TMEM131: variants seen among roughly 807,000 people sequenced by gnomAD.
The protein encoded by TMEM131 is 2610524E03Rik.
TMEM131 carries 66 observed loss-of-function variants against 211.6 expected under a neutral mutation model. The observed-to-expected ratio is 0.31, with a 90% confidence interval of 0.26 to 0.38. TMEM131 has a LOEUF of 0.38. Among genes scored for constraint, TMEM131 ranks in the 10% least tolerant of loss-of-function variants. TMEM131 has a pLI of 1.00. For missense variants in TMEM131, 2,036 were observed against 2,299.3 expected, an observed-to-expected ratio of 0.89 and a Z score of 2.34; for synonymous variants, 844 against 841.3, an observed-to-expected ratio of 1.00 and a Z score of -0.06.
intron 3 of TMEM131, among the ~76,000 whole-genome samples, chr2:97,892,726 T>C (rs1359146718): frequency 6.6e-6 from 1 of 152,160 alleles, no homozygotes; most frequent in Non-Finnish European, 1.5e-5. Flanking sequence ...TGCAAATATT[T>C]CTATGAAAAG....
intron 22 of TMEM131, among the ~76,000 whole-genome samples, chr2:97,804,204 A>G (rs1443349557): frequency 6.6e-6 from 1 of 152,202 alleles, no homozygotes. Context: ...TCTGAAGTAC[A>G]TGAAAAGATC....
At chr2:97,796,766 TA>T in intron 27 of TMEM131, 77 bp downstream of exon 27, 1 of 1,440,876 alleles carries the variant, frequency 6.9e-7, no homozygotes, top group East Asian at 2.3e-5. Flanking sequence ...CATACAGAAA[TA>T]ATGTTGTTTT....
At position 97,792,559 on chromosome 2, in the gene TMEM131, G is replaced by A. The variant is rs771438042; in HGVS notation, c.3971C>T (p.Ala1324Val). The change falls in exon 31 of 41, where the codon GCC becomes GTC. Residue 1324 changes from alanine to valine, a missense_variant. Ala to Val is a moderately conservative substitution (Grantham distance 64). Transcript: ENST00000186436. ...TGGGTGGGAAGGGTGTGCGAGGGGG[G>A]CGGGAGACAGCCTTTCAGGCTGCGG... ...QEPQPERLSP[A>V]PLAHPSHPER... 6.2e-6 allele frequency: 10 copies of A among 1,613,214 alleles called. 1 individual carries two copies. The East Asian group carries it at 2.0e-4, about 32-fold the overall frequency.
At position 97,797,000 on chromosome 2, in the gene TMEM131, A is replaced by G; in HGVS notation, c.2871-14T>C. On this transcript the variant is annotated splice_polypyrimidine_tract_variant and intron_variant, in intron 26 of 40. Coordinates refer to ENST00000186436, the MANE Select transcript of TMEM131 (RefSeq NM_015348.2). ...GTCAGGTTATTTCTATGCAAGAATGAGAATTACAGATTTTTCTCTCATTAA... is the reference window on the plus strand; with the variant it reads ...GTCAGGTTATTTCTATGCAAGAATGGGAATTACAGATTTTTCTCTCATTAA... 5 of 1,601,432 alleles carry G rather than the reference A, an allele frequency of 3.1e-6. No homozygotes were observed. The highest frequency in any genetic ancestry group is 3.4e-6 in the Non-Finnish European group (4 of 1,174,228).
chr2:97,990,597 CAA>C (rs1474855941), intron 1 of TMEM131, among the ~76,000 whole-genome samples: 2 of 152,054 alleles, frequency 1.3e-5, no homozygotes, highest in Admixed American at 6.5e-5. Flanking sequence ...ATCTTAAAAT[CAA>C]AAAGTTATAA....
chr2:97,861,020 A>G (rs959691242), intron 4 of TMEM131, among the ~76,000 whole-genome samples: 1 of 152,160 alleles, frequency 6.6e-6, no homozygotes, highest in African/African-American at 2.4e-5. Flanking sequence ...AGACTTTGCC[A>G]TGAACTCAGT....
chr2:97,947,666 GT>G (rs1405876886), intron 1 of TMEM131, among the ~76,000 whole-genome samples: 1 of 151,998 alleles, frequency 6.6e-6, no homozygotes, highest in Non-Finnish European at 1.5e-5. Flanking sequence ...TTCCAATCAA[GT>G]TTTTTGTTGT....
intron 1 of TMEM131, among the ~76,000 whole-genome samples, chr2:97,988,304 T>G (rs947411140): frequency 2.0e-5 from 3 of 152,126 alleles, no homozygotes; most frequent in South Asian, 2.1e-4. Flanking sequence ...TAAATAAAAG[T>G]TAACTCAAAA....
At chr2:97,884,985 T>C (rs1675082075) in intron 4 of TMEM131, among the ~76,000 whole-genome samples, 1 of 152,252 alleles carries the variant, frequency 6.6e-6, no homozygotes, top group Non-Finnish European at 1.5e-5. Flanking sequence ...GTACTTCTTT[T>C]CTTATGGTTT....
chr2:97,813,452 T>A (rs1430278066), intron 15 of TMEM131, among the ~76,000 whole-genome samples: 4 of 152,200 alleles, frequency 2.6e-5, no homozygotes, highest in Non-Finnish European at 5.9e-5. Context: ...TTGTTTGGAA[T>A]TTTTCCCCCT....
At chr2:97,794,392 A>G (rs1680661495) in intron 29 of TMEM131, among the ~76,000 whole-genome samples, 1 of 152,168 alleles carries the variant, frequency 6.6e-6, no homozygotes, top group Admixed American at 6.5e-5. Context: ...TGGAGGCAAT[A>G]ATTATGTGTA....
At chr2:97,772,460 T>A in intron 32 of TMEM131, 36 bp from the exon 33 acceptor site, 3 of 1,588,188 alleles carry the variant, frequency 1.9e-6, no homozygotes, top group Non-Finnish European at 2.6e-6. Flanking sequence ...TGAGAAGGAT[T>A]AATAAAATGA....
chr2:97,953,932 C>T (rs1234691811), intron 1 of TMEM131, among the ~76,000 whole-genome samples: 1 of 151,936 alleles, frequency 6.6e-6, no homozygotes, highest in African/African-American at 2.4e-5. Context: ...CATGTCTAAA[C>T]AAATCATTGG....
At chr2:97,881,782 C>T (rs1674946024) in intron 4 of TMEM131, among the ~76,000 whole-genome samples, 1 of 150,178 alleles carries the variant, frequency 6.7e-6, no homozygotes, top group African/African-American at 2.5e-5. Flanking sequence ...TAAGAGGGGC[C>T]ATTCTGTATT....
chr2:97,889,736 A>G (rs970811504), intron 3 of TMEM131, among the ~76,000 whole-genome samples: 2 of 152,092 alleles, frequency 1.3e-5, no homozygotes, highest in African/African-American at 2.4e-5. Flanking sequence ...GGAAATGTCT[A>G]AAGTGGCCAG....
At chr2:97,901,692 T>C (rs1417571479) in intron 3 of TMEM131, among the ~76,000 whole-genome samples, 1 of 152,132 alleles carries the variant, frequency 6.6e-6, no homozygotes, top group Non-Finnish European at 1.5e-5. Context: ...GAAAAGCAAA[T>C]ATTGCATGTT....
intron 3 of TMEM131, among the ~76,000 whole-genome samples, chr2:97,895,685 GTTT>G (rs1456298124): frequency 6.6e-6 from 1 of 152,044 alleles, no homozygotes; most frequent in Non-Finnish European, 1.5e-5. Context: ...TCTGATGGTA[GTTT>G]TTTATTTCTG....
At chr2:97,945,031 C>CA (rs1287402255) in intron 1 of TMEM131, among the ~76,000 whole-genome samples, 5 of 152,096 alleles carry the variant, frequency 3.3e-5, no homozygotes, top group African/African-American at 1.2e-4. Context: ...TAGCATTGTT[C>CA]AAATTCATGA....
chr2:97,792,737 A>G lies in TMEM131; in HGVS notation c.3793T>C (p.Leu1265=), dbSNP rs770311011. Residue 1265 remains leucine, a synonymous_variant, in exon 31 of 41, where the codon TTA becomes CTA. Coordinates refer to ENST00000186436, the MANE Select transcript of TMEM131 (RefSeq NM_015348.2). ...CCTTGAGTCACTGTGTTCGAATCTA[A>G]GACAAGGGGGCTTGTTTTGTTAGCA... ...QSANKTSPLV[L]DSNTVTQGHT... is the part of the protein sequence containing the mutation. 113 of 1,613,898 alleles carry G rather than the reference A, an allele frequency of 7.0e-5. No individual in the cohort carries two copies. Among genetic ancestry groups the G allele is most frequent in the Non-Finnish European group, 9.0e-5 (106 of 1,179,904 alleles).
Sources: gnomAD v4.1 joint callset for allele counts (sites outside exome capture counted in the v4.1 genomes callset) on GRCh38, gnomAD v4.1.1 for gene constraint, MANE v1.5 for transcripts, NCBI Gene and HGNC (gene_info 2026-07-23, HGNC 2026-07-21) for gene names.